GALNT18: variants seen among roughly 807,000 people sequenced by gnomAD.
The protein encoded by GALNT18 is GalNAc-transferase 18.
In GALNT18, 44 loss-of-function variants were observed where a neutral mutation model predicts 69.5. The ratio of observed to expected loss-of-function variants is 0.63; its 90% CI spans 0.50 to 0.81. GALNT18 has a LOEUF of 0.81. Ranked by LOEUF, GALNT18 falls within the 40% of genes least tolerant of loss-of-function variation. The pLI, the probability that GALNT18 is intolerant of heterozygous loss-of-function variation, is 0.00. For missense variants in GALNT18, 715 were observed against 810.0 expected (o/e 0.88, Z 1.42); for synonymous variants, 364 against 318.2 (o/e 1.14, Z -1.53).
intron 10 of GALNT18, among the ~76,000 whole-genome samples, chr11:11,282,163 T>C (rs1849093092): frequency 6.6e-6 from 1 of 152,094 alleles, no homozygotes; most frequent in Non-Finnish European, 1.5e-5. Flanking sequence ...CTCAGCCTCT[T>C]TCACTGAACA....
At position 11,358,074 on chromosome 11, in the gene GALNT18, C is replaced by CCAGATT. The variant is rs367641565; in HGVS notation, c.1092+14440_1092+14441insAATCTG. Among the ~76,000 whole-genome samples, 365 of 142,998 alleles carry CCAGATT rather than the reference C, an allele frequency of 2.6e-3. 10 individuals are homozygous for CCAGATT. The highest frequency in any genetic ancestry group is 3.5e-3 in the Middle Eastern group (1 of 286). 93.8% of individuals were successfully genotyped at this position (142,998 alleles called of 152,430 possible). On this transcript the variant is annotated intron_variant, in intron 6 of 10. Transcript: ENST00000227756. Reference sequence around the variant, plus strand: ...GACTGTGGGATCACACTGTCCCTGCCTCCATCTCCTATGCCCATGTCCAAT... The same window carrying CCAGATT: ...GACTGTGGGATCACACTGTCCCTGCCCAGATTTCCATCTCCTATGCCCATGTCCAAT...
chr11:11,611,743 G>T (rs1193126277), intron 1 of GALNT18, among the ~76,000 whole-genome samples: 1 of 152,202 alleles, frequency 6.6e-6, no homozygotes, highest in Non-Finnish European at 1.5e-5. Context: ...GTGCTCAGAA[G>T]TCACAATGAA....
intron 8 of GALNT18, among the ~76,000 whole-genome samples, chr11:11,330,634 A>G (rs1850001414): frequency 6.6e-6 from 1 of 152,178 alleles, no homozygotes. Flanking sequence ...TTTCAGTATG[A>G]CAGTAAACAC....
intron 1 of GALNT18, among the ~76,000 whole-genome samples, chr11:11,527,708 G>A (rs1857552613): frequency 6.6e-6 from 1 of 152,254 alleles, no homozygotes; most frequent in East Asian, 1.9e-4. Context: ...AGAGCTCTCT[G>A]GGCATAACAA....
At chr11:11,304,467 G>A (rs1165289190) in intron 9 of GALNT18, among the ~76,000 whole-genome samples, 1 of 152,164 alleles carries the variant, frequency 6.6e-6, no homozygotes, top group African/African-American at 2.4e-5. Flanking sequence ...CTTCATAGCT[G>A]TGTCTGCTTG....
chr11:11,419,596 C>CAAAAAA (rs58012512), intron 3 of GALNT18, among the ~76,000 whole-genome samples: 14 of 26,630 alleles, frequency 5.3e-4, no homozygotes, highest in East Asian at 1.8e-3. Context: ...GATCCTGTCT[C>CAAAAAA]AAAAAAAAAA....
intron 1 of GALNT18, among the ~76,000 whole-genome samples, chr11:11,569,535 A>G (rs1047533994): frequency 3.9e-5 from 6 of 152,224 alleles, no homozygotes; most frequent in African/African-American, 1.4e-4. Context: ...CCTCTGCCCA[A>G]GGGGCTGGGA....
rs1009255457 is a variant in GALNT18 at position 11,470,554 on chromosome 11, A to T, written c.236-21618T>A. On this transcript the variant is annotated intron_variant, in intron 1 of 10. Transcript: ENST00000227756. This position sits in a 1 kb window ranked among gnomAD's most constrained non-coding sequence, Gnocchi z 4.8. ...CTAGAGGCTTGGGGATAGTGATAGG[A>T]TGACTAATCGCTAGCTAATTTTGAT... Among the ~76,000 whole-genome samples, 1 of 152,138 alleles carries T rather than the reference A, an allele frequency of 6.6e-6. No individual in the cohort carries two copies. The highest frequency in any genetic ancestry group is 1.5e-5 in the Non-Finnish European group (1 of 68,022).
At chr11:11,386,526 C>G (rs747093304) in intron 3 of GALNT18, among the ~76,000 whole-genome samples, 1 of 152,152 alleles carries the variant, frequency 6.6e-6, no homozygotes, top group Non-Finnish European at 1.5e-5. Context: ...TTGACCTATA[C>G]GCATAATGTG....
intron 10 of GALNT18, among the ~76,000 whole-genome samples, chr11:11,291,615 C>T (rs11601575): frequency 0.17 from 25,950 of 152,056 alleles, 2,880 homozygotes; most frequent in Non-Finnish European, 0.25. Context: ...ATTGAACCCC[C>T]GACACTTTGC....
At chr11:11,472,842 A>T (rs1175195189) in intron 1 of GALNT18, among the ~76,000 whole-genome samples, 1 of 152,126 alleles carries the variant, frequency 6.6e-6, no homozygotes, top group Non-Finnish European at 1.5e-5. Flanking sequence ...AAGACTATAT[A>T]TGGGCCGGGT....
intron 9 of GALNT18, among the ~76,000 whole-genome samples, chr11:11,317,096 G>A (rs1849769769): frequency 6.6e-6 from 1 of 151,148 alleles, no homozygotes; most frequent in Non-Finnish European, 1.5e-5. Context: ...AGGATTGCTT[G>A]AAATTTGCTG....
At position 11,602,883 on chromosome 11, in the gene GALNT18, C is replaced by T. The variant is rs995951855; in HGVS notation, c.235+18476G>A. On this transcript the variant is annotated intron_variant, in intron 1 of 10. Transcript: ENST00000227756. This position sits in a 1 kb window ranked among gnomAD's most constrained non-coding sequence, Gnocchi z 4.7. ...TGTATGGTCTGGCAAGAGCTTTGTGCTGCTTCCAGGTACAGGAGTCAAAAT... is the reference window on the plus strand; with the variant it reads ...TGTATGGTCTGGCAAGAGCTTTGTGTTGCTTCCAGGTACAGGAGTCAAAAT... Among the ~76,000 whole-genome samples the T allele has an allele frequency of 5.3e-5, 8 of 152,188 alleles. No individual in the cohort carries two copies. Among genetic ancestry groups the T allele is most frequent in the Admixed American group, 5.2e-4 (8 of 15,280 alleles).
rs1357359979 is a variant in GALNT18 at position 11,454,669 on chromosome 11, G to C, written c.236-5733C>G. Among the ~76,000 whole-genome samples, 1 of 152,104 alleles carries C rather than the reference G, an allele frequency of 6.6e-6. No individual in the cohort carries two copies. The highest frequency in any genetic ancestry group is 2.4e-5 in the African/African-American group (1 of 41,416). ...GAAAACTGGCCTAAGATGCCCTCAG[G>C]AAGTGTCCAGCTCAAACCACAGAAC... On this transcript the variant is annotated intron_variant, in intron 1 of 10. Coordinates refer to ENST00000227756, the MANE Select transcript of GALNT18 (RefSeq NM_198516.3). The surrounding 1 kb of genome is among the most constrained non-coding windows in gnomAD (Gnocchi z 4.2).
rs992320617 is a variant in GALNT18, at chr11:11,463,215, C to G, written c.236-14279G>C. On this transcript the variant is annotated intron_variant, in intron 1 of 10. Transcript: ENST00000227756. This position sits in a 1 kb window ranked among gnomAD's most constrained non-coding sequence, Gnocchi z 4.2. ...ACACTCAGACAGACAGACAGACACA[C>G]ACACACACACAGAGAGAGAGAGAGA... 3.3e-5 allele frequency among the ~76,000 whole-genome samples: 5 copies of G among 149,342 alleles called. No homozygotes were observed. Among genetic ancestry groups the G allele is most frequent in the African/African-American group, 1.0e-4 (4 of 40,014 alleles).
At chr11:11,452,662 C>A (rs1298804111) in intron 1 of GALNT18, among the ~76,000 whole-genome samples, 2 of 152,186 alleles carry the variant, frequency 1.3e-5, no homozygotes, top group Non-Finnish European at 2.9e-5. Context: ...CCACCTTTGA[C>A]ATAAGGGGGA....
rs189700164 is a variant in GALNT18 at position 11,401,085 on chromosome 11, T to C, written c.596-21821A>G. ...TCAGGGGAAGACTGGATTCCAATCATGGAGGACACAAAACACCAGGCTAGA... is the reference window on the plus strand; with the variant it reads ...TCAGGGGAAGACTGGATTCCAATCACGGAGGACACAAAACACCAGGCTAGA... On this transcript the variant is annotated intron_variant, in intron 3 of 10. Transcript: ENST00000227756. Among the ~76,000 whole-genome samples, 87 of 152,182 alleles carry C rather than the reference T, an allele frequency of 5.7e-4. No individual in the cohort carries two copies. The East Asian group carries it at 0.013, about 22-fold the overall frequency.
At chr11:11,352,751 T>C (rs755289709) in intron 6 of GALNT18, 5 of 1,614,032 alleles carry the variant, frequency 3.1e-6, no homozygotes, top group Non-Finnish European at 4.2e-6. Context: ...TCTGGTACAA[T>C]TGCTTGAAGT....
chr11:11,414,548 G>T (rs955575357), intron 3 of GALNT18, among the ~76,000 whole-genome samples: 19 of 152,092 alleles, frequency 1.2e-4, no homozygotes, highest in African/African-American at 4.6e-4. Flanking sequence ...GCTCAGAGGG[G>T]CCTTCTCCAA....
Sources: gnomAD v4.1 joint callset for allele counts (sites outside exome capture counted in the v4.1 genomes callset) on GRCh38, gnomAD v4.1.1 for gene constraint, Gnocchi (gnomAD v3.1) non-coding constraint, MANE v1.5 for transcripts, NCBI Gene and HGNC (gene_info 2026-07-23, HGNC 2026-07-21) for gene names.